The following SPOCK3 variants were observed in gnomAD, a reference collection of about 807,000 sequenced individuals.
SPOCK3 encodes SPARC (osteonectin), cwcv and kazal like domains proteoglycan 3.
SPOCK3 carries 30 observed loss-of-function variants against 56.6 expected under a neutral mutation model. That is an observed-to-expected ratio of 0.53 (90% CI 0.40 to 0.72). The LOEUF (loss-of-function observed/expected upper bound fraction) is 0.72, where lower values mean the gene tolerates loss of function less well. Ranked by LOEUF, SPOCK3 falls within the 30% of genes least tolerant of loss-of-function variation. The pLI is 0.00. For synonymous variants in SPOCK3, 196 were observed against 183.3 expected (o/e 1.07, Z -0.56); for missense variants, 527 against 530.0 (o/e 0.99, Z 0.06).
At chr4:166,842,356 G>A (rs1747522899) in intron 6 of SPOCK3, among the ~76,000 whole-genome samples, 1 of 152,144 alleles carries the variant, frequency 6.6e-6, no homozygotes, top group Non-Finnish European at 1.5e-5. Context: ...AGAGCTGATT[G>A]GTCCCTTTTG....
chr4:167,140,091 C>T lies in SPOCK3; in HGVS notation c.190-77554G>A, dbSNP rs541910752. The stretch of plus-strand genomic sequence containing the variant: ...TGTAGACGTTCAAAGAATCCGGCTG[C>T]TCAGTCTCATAATTAAGTAGCTGAA... On this transcript the variant is annotated intron_variant, in intron 2 of 10. Transcript: ENST00000357545. 1.8e-4 allele frequency among the ~76,000 whole-genome samples: 28 copies of T among 152,162 alleles called. No individual in the cohort carries two copies. The South Asian group carries it at 5.6e-3, about 30-fold the overall frequency.
chr4:167,157,644 G>C (rs1764931320), intron 2 of SPOCK3, among the ~76,000 whole-genome samples: 1 of 137,278 alleles, frequency 7.3e-6, no homozygotes, highest in Admixed American at 7.4e-5. Flanking sequence ...ATAAATCATT[G>C]TTTAAAACTT....
At chr4:166,871,398 A>G (rs1239287633) in intron 6 of SPOCK3, among the ~76,000 whole-genome samples, 1 of 152,122 alleles carries the variant, frequency 6.6e-6, no homozygotes, top group African/African-American at 2.4e-5. Context: ...CATAGACATT[A>G]AAAGGATAAC....
chr4:167,218,116 C>A (rs78944186), intron 2 of SPOCK3, among the ~76,000 whole-genome samples: 1 of 152,166 alleles, frequency 6.6e-6, no homozygotes, highest in East Asian at 1.9e-4. Flanking sequence ...GCTACAAGAA[C>A]AAGCTTTCTT....
chr4:166,826,155 A>C (rs1745450917), intron 6 of SPOCK3, among the ~76,000 whole-genome samples: 1 of 152,114 alleles, frequency 6.6e-6, no homozygotes, highest in Non-Finnish European at 1.5e-5. Flanking sequence ...AGCAGAACAG[A>C]GATTGTAAAC....
intron 2 of SPOCK3, among the ~76,000 whole-genome samples, chr4:167,197,239 C>A (rs1238979858): frequency 6.6e-6 from 1 of 152,004 alleles, no homozygotes; most frequent in African/African-American, 2.4e-5. Flanking sequence ...TATCAGAGGT[C>A]AAATTAAGTT....
chr4:166,987,827 T>A (rs1032631321), intron 4 of SPOCK3, among the ~76,000 whole-genome samples: 6 of 152,180 alleles, frequency 3.9e-5, no homozygotes, highest in South Asian at 4.1e-4. Flanking sequence ...GTGTGGTAGG[T>A]GGAAAAGCAA....
chr4:167,205,345 ATAT>A (rs1734041485), intron 2 of SPOCK3, among the ~76,000 whole-genome samples: 2 of 38,224 alleles, frequency 5.2e-5, no homozygotes, highest in Admixed American at 5.9e-4. Context: ...TATATATTAT[ATAT>A]ATAATATATA....
intron 3 of SPOCK3, among the ~76,000 whole-genome samples, chr4:167,041,695 T>G (rs992009282): frequency 2.0e-5 from 3 of 152,116 alleles, no homozygotes; most frequent in Non-Finnish European, 4.4e-5. Flanking sequence ...TATTATACTG[T>G]AGGATGACTA....
intron 6 of SPOCK3, among the ~76,000 whole-genome samples, chr4:166,825,522 A>T (rs1745368016): frequency 6.6e-6 from 1 of 152,090 alleles, no homozygotes; most frequent in Admixed American, 6.6e-5. Context: ...TCAATCTAGC[A>T]ATCCCACTAC....
chr4:166,994,173 A>T (rs1015494431), intron 4 of SPOCK3, among the ~76,000 whole-genome samples: 1 of 152,178 alleles, frequency 6.6e-6, no homozygotes, highest in Non-Finnish European at 1.5e-5. Context: ...AACACCCATG[A>T]TCATAAAATA....
intron 2 of SPOCK3, among the ~76,000 whole-genome samples, chr4:167,161,101 C>G (rs1413471387): frequency 6.6e-6 from 1 of 152,158 alleles, no homozygotes; most frequent in Non-Finnish European, 1.5e-5. Context: ...ACAGAGTGAA[C>G]AGGCAACCTA....
At chr4:167,213,645 T>C (rs960905592) in intron 2 of SPOCK3, among the ~76,000 whole-genome samples, 4 of 152,064 alleles carry the variant, frequency 2.6e-5, no homozygotes, top group African/African-American at 9.7e-5. Flanking sequence ...ATGGAGGAAA[T>C]AGAAATCTCT....
At chr4:166,987,404 A>C (rs1176257887) in intron 4 of SPOCK3, among the ~76,000 whole-genome samples, 1 of 152,138 alleles carries the variant, frequency 6.6e-6, no homozygotes, top group East Asian at 1.9e-4. Flanking sequence ...TCACCTCTAT[A>C]TCTGCCTTGT....
chr4:166,800,183 G>GAAAAAAAAAAA (rs367811359), intron 6 of SPOCK3, among the ~76,000 whole-genome samples: 19 of 51,782 alleles, frequency 3.7e-4, no homozygotes, highest in African/African-American at 1.2e-3. Flanking sequence ...CTCCATCTCA[G>GAAAAAAAAAAA]AAAAAAAAAA....
intron 6 of SPOCK3, among the ~76,000 whole-genome samples, chr4:166,867,212 G>A (rs1731940562): frequency 6.6e-6 from 1 of 151,918 alleles, no homozygotes; most frequent in South Asian, 2.1e-4. Context: ...TCAAATTACT[G>A]TTTCCTCTGA....
intron 6 of SPOCK3, among the ~76,000 whole-genome samples, chr4:166,872,076 A>G (rs1231845245): frequency 6.7e-6 from 1 of 148,764 alleles, no homozygotes; most frequent in African/African-American, 2.4e-5. Flanking sequence ...ACACACACAC[A>G]TATATATATA....
intron 6 of SPOCK3, among the ~76,000 whole-genome samples, chr4:166,826,604 C>G (rs1479543797): frequency 6.6e-6 from 1 of 152,050 alleles, no homozygotes; most frequent in Admixed American, 6.6e-5. Flanking sequence ...AAGCCATGAA[C>G]TTAATAGGCC....
chr4:167,054,113 A>G (rs1032177274), intron 3 of SPOCK3, among the ~76,000 whole-genome samples: 13 of 152,168 alleles, frequency 8.5e-5, no homozygotes, highest in Admixed American at 5.2e-4. Context: ...GAGATTTATG[A>G]TATTTATCGT....
Sources: gnomAD v4.1 joint callset for allele counts (sites outside exome capture counted in the v4.1 genomes callset) on GRCh38, gnomAD v4.1.1 for gene constraint, MANE v1.5 for transcripts, NCBI Gene and HGNC (gene_info 2026-07-23, HGNC 2026-07-21) for gene names.